The following ERBIN variants were observed in gnomAD, a reference collection of about 807,000 sequenced individuals.
ERBIN encodes the protein erbb2 interacting protein, also known as densin-180-like protein.
Under a neutral mutation model 158.4 loss-of-function variants are expected in ERBIN, and 60 were observed. That is an observed-to-expected ratio of 0.38 (90% confidence interval 0.31 to 0.47). ERBIN has a LOEUF of 0.47. ERBIN is among the 20% of genes least tolerant of loss of function. The pLI, the probability that ERBIN is intolerant of heterozygous loss-of-function variation, is 0.99. For synonymous variants in ERBIN, 594 were observed against 557.2 expected, an observed-to-expected ratio of 1.07 and a Z score of -0.93; for missense variants, 1,610 against 1,648.0, an observed-to-expected ratio of 0.98 and a Z score of 0.40.
Position 65,977,202 on chromosome 5 carries a change from C to T in ERBIN, c.-57-11433C>T, listed in dbSNP as rs867627146. ...GGCTGGCCGGGCGGGGGGCTGACCCCCCCCCACCTCCCTCCCGGATGGGGC... is the reference window on the plus strand; with the variant it reads ...GGCTGGCCGGGCGGGGGGCTGACCCTCCCCCACCTCCCTCCCGGATGGGGC... On this transcript the variant is annotated intron_variant, in intron 1 of 25. Coordinates refer to ENST00000284037, the MANE Select transcript of ERBIN (RefSeq NM_001253697.2). 5.5e-5 allele frequency among the ~76,000 whole-genome samples: 8 copies of T among 144,322 alleles called. No homozygotes were observed. The East Asian group carries it at 6.2e-4, about 11-fold the overall frequency. 94.7% of individuals were successfully genotyped at this position (144,322 alleles called of 152,430 possible).
intron 1 of ERBIN, among the ~76,000 whole-genome samples, chr5:65,949,901 G>A (rs1746289105): frequency 6.6e-6 from 1 of 151,988 alleles, no homozygotes; most frequent in Non-Finnish European, 1.5e-5. Context: ...CAAATTCCTG[G>A]CCTCAAATGA....
rs551614644 is a variant in ERBIN at position 65,980,807 on chromosome 5, C to T, written c.-57-7828C>T. On this transcript the variant is annotated intron_variant, in intron 1 of 25. Coordinates refer to ENST00000284037, the MANE Select transcript of ERBIN (RefSeq NM_001253697.2). Reference sequence around the variant, plus strand: ...TATCTATTCACTGTATAATGAATCTCCAACATACATGAAATAAATATAAAA... The same window carrying T: ...TATCTATTCACTGTATAATGAATCTTCAACATACATGAAATAAATATAAAA... 7.9e-5 allele frequency among the ~76,000 whole-genome samples: 12 copies of T among 151,924 alleles called. No individual in the cohort carries two copies. The South Asian group carries it at 2.1e-3, about 26-fold the overall frequency.
chr5:66,012,481 T>TAAAG (rs201982801), intron 5 of ERBIN, among the ~76,000 whole-genome samples: 6,428 of 152,062 alleles, frequency 0.042, 452 homozygotes, highest in African/African-American at 0.15. Flanking sequence ...TTGAAAACAA[T>TAAAG]GAAACCAAAA....
intron 1 of ERBIN, among the ~76,000 whole-genome samples, chr5:65,935,088 C>A (rs1037314955): frequency 2.6e-5 from 4 of 152,052 alleles, no homozygotes; most frequent in Non-Finnish European, 5.9e-5. Context: ...TCTTCATATA[C>A]AAAGCTAGGA....
intron 1 of ERBIN, among the ~76,000 whole-genome samples, chr5:65,975,377 C>T (rs1749742052): frequency 6.6e-6 from 1 of 152,198 alleles, no homozygotes; most frequent in African/African-American, 2.4e-5. Context: ...GCAATCTCGG[C>T]TCACTGTAAC....
rs1193725453 is a variant in ERBIN at position 65,978,093 on chromosome 5, A to G, written c.-57-10542A>G. Among the ~76,000 whole-genome samples the G allele has an allele frequency of 2.6e-5, 4 of 152,324 alleles. No individual in the cohort carries two copies. The East Asian group carries it at 7.7e-4, about 29-fold the overall frequency. On this transcript the variant is annotated intron_variant, in intron 1 of 25. Coordinates refer to ENST00000284037, the MANE Select transcript of ERBIN (RefSeq NM_001253697.2). ...ATATTTGTGATCTGTATTGTCACAA[A>G]TGTCTTTTTGCACACCTTTTATTGA...
chr5:65,941,314 A>AC (rs1744996077), intron 1 of ERBIN, among the ~76,000 whole-genome samples: 1 of 1,716 alleles, frequency 5.8e-4, no homozygotes, highest in Non-Finnish European at 2.2e-3. Context: ...AATGATCAAT[A>AC]AAAAAAAAAA....
intron 4 of ERBIN, 94 bp downstream of exon 4, chr5:65,994,958 A>T: frequency 1.3e-6 from 1 of 755,710 alleles, no homozygotes; most frequent in Non-Finnish European, 2.2e-6. Flanking sequence ...ATATAAAAAT[A>T]AGTTAAATCT....
At chr5:66,026,955 T>G (rs749533725) in intron 13 of ERBIN, among the ~76,000 whole-genome samples, 8 of 151,992 alleles carry the variant, frequency 5.3e-5, no homozygotes, top group Non-Finnish European at 7.4e-5. Flanking sequence ...AGAGATCTGG[T>G]TTCAACAAAG....
chr5:66,003,333 A>C (rs1330166111), intron 4 of ERBIN, among the ~76,000 whole-genome samples: 2 of 151,876 alleles, frequency 1.3e-5, no homozygotes, highest in Non-Finnish European at 2.9e-5. Context: ...TATTATTGGG[A>C]TTCATGAGGG....
intron 4 of ERBIN, among the ~76,000 whole-genome samples, chr5:66,001,396 ATTTC>A (rs1255242356): frequency 6.6e-6 from 1 of 152,104 alleles, no homozygotes; most frequent in Non-Finnish European, 1.5e-5. Flanking sequence ...ATCAAGCTGT[ATTTC>A]TTTAAAAGCA....
intron 21 of ERBIN, chr5:66,069,087 T>C: frequency 1.5e-6 from 2 of 1,364,044 alleles, no homozygotes; most frequent in Non-Finnish European, 1.9e-6. Flanking sequence ...TTAAGTGTTT[T>C]AATGTTTCCA....
intron 4 of ERBIN, among the ~76,000 whole-genome samples, chr5:66,005,878 A>G (rs919195086): frequency 3.3e-5 from 5 of 152,218 alleles, no homozygotes; most frequent in South Asian, 4.1e-4. Context: ...ACAAACCACT[A>G]CTCAATGAAA....
chr5:66,064,176 T>C (rs563330983), intron 21 of ERBIN, among the ~76,000 whole-genome samples: 1 of 152,200 alleles, frequency 6.6e-6, no homozygotes, highest in African/African-American at 2.4e-5. Flanking sequence ...CAGTGCTTTT[T>C]GAAAAACTTA....
At chr5:65,944,912 A>G (rs1048405780) in intron 1 of ERBIN, among the ~76,000 whole-genome samples, 3 of 152,130 alleles carry the variant, frequency 2.0e-5, no homozygotes, top group African/African-American at 4.8e-5. Flanking sequence ...ATTTTCTCCC[A>G]TTCTCTGGGT....
intron 16 of ERBIN, among the ~76,000 whole-genome samples, chr5:66,043,803 T>G (rs2151204148): frequency 6.6e-6 from 1 of 152,288 alleles, no homozygotes; most frequent in Admixed American, 6.5e-5. Flanking sequence ...TATCTGAATT[T>G]TATATATACG....
intron 4 of ERBIN, among the ~76,000 whole-genome samples, chr5:66,009,806 C>CT (rs1164815077): frequency 5.3e-5 from 8 of 152,086 alleles, no homozygotes; most frequent in Admixed American, 2.0e-4. Context: ...TTAAAAATGA[C>CT]TTTTTTCCAT....
chr5:66,011,917 ATGT>A (rs1004891140), intron 4 of ERBIN, 129 bp from the exon 5 acceptor site: 1 of 528,724 alleles, frequency 1.9e-6, no homozygotes, highest in Non-Finnish European at 3.4e-6. Context: ...GTTCACATTG[ATGT>A]TGTCAGTTCA....
Position 66,018,575 on chromosome 5 carries a change from TATAATATATATTATATAA to T in ERBIN, c.534-2746_534-2729del. Among the ~76,000 whole-genome samples, 2 of 55,026 alleles carry T rather than the reference TATAATATATATTATATAA, an allele frequency of 3.6e-5. 1 individual carries two copies. 36.1% of individuals were successfully genotyped at this position (55,026 alleles called of 152,430 possible). On this transcript the variant is annotated intron_variant, in intron 7 of 25. Transcript: ENST00000284037. ...ATATTATATAATATATATTATATTA[TATAATATATATTATATAA>T]TATATATTATATATACATACACACA...
Sources: allele counts gnomAD v4.1 joint callset (sites outside exome capture counted in the v4.1 genomes callset), GRCh38; gene constraint gnomAD v4.1.1; transcripts MANE v1.5; gene names NCBI Gene and HGNC (gene_info 2026-07-23, HGNC 2026-07-21).